The following CDH18 variants were observed in gnomAD, a reference collection of about 807,000 sequenced individuals.
The protein encoded by CDH18 is cadherin-18.
CDH18 carries 31 observed loss-of-function variants against 67.9 expected under a neutral mutation model. The ratio of observed to expected loss-of-function variants is 0.46; its 90% CI spans 0.34 to 0.62. CDH18 has a LOEUF of 0.62. Ranked by LOEUF, CDH18 falls within the 20% of genes least tolerant of loss-of-function variation. The pLI is 0.01. For synonymous variants in CDH18, 362 were observed against 347.2 expected (o/e 1.04, Z -0.48); for missense variants, 890 against 975.5 (o/e 0.91, Z 1.17).
chr5:19,571,867 A>T (rs1561374906), intron 7 of CDH18, 35 bp from the exon 8 acceptor site: 9 of 1,525,530 alleles, frequency 5.9e-6, no homozygotes, highest in Admixed American at 1.9e-5. Context: ...TGACTTTTAT[A>T]AAAAAAGTCA....
intron 11 of CDH18, among the ~76,000 whole-genome samples, chr5:19,500,321 C>T (rs1467143636): frequency 1.3e-5 from 2 of 151,822 alleles, no homozygotes; most frequent in Non-Finnish European, 1.5e-5. Flanking sequence ...TCTATAATTG[C>T]TTTGTCTATG....
chr5:19,931,251 A>G (rs1309503932), intron 2 of CDH18, among the ~76,000 whole-genome samples: 1 of 151,922 alleles, frequency 6.6e-6, no homozygotes, highest in East Asian at 1.9e-4. Context: ...TGTCTCCTCA[A>G]TCTAATCTGA....
intron 4 of CDH18, among the ~76,000 whole-genome samples, chr5:19,729,952 A>T (rs1028087176): frequency 6.6e-6 from 1 of 152,020 alleles, no homozygotes; most frequent in Admixed American, 6.6e-5. Flanking sequence ...ACTGAAAAAC[A>T]AGAATAAGTC....
chr5:19,662,471 C>A (rs1643269323), intron 5 of CDH18, among the ~76,000 whole-genome samples: 1 of 151,980 alleles, frequency 6.6e-6, no homozygotes, highest in Admixed American at 6.6e-5. Flanking sequence ...TGCTTCAATA[C>A]CATAGATATG....
At chr5:19,961,555 C>G (rs1197051198) in intron 2 of CDH18, among the ~76,000 whole-genome samples, 1 of 152,068 alleles carries the variant, frequency 6.6e-6, no homozygotes, top group Non-Finnish European at 1.5e-5. Context: ...AGTGTACCCA[C>G]TTCAGCACAA....
intron 3 of CDH18, among the ~76,000 whole-genome samples, chr5:19,751,937 G>C (rs1317051392): frequency 1.3e-5 from 2 of 152,110 alleles, no homozygotes; most frequent in African/African-American, 4.8e-5. Flanking sequence ...GGAATCCTGA[G>C]AGTACTCGCA....
intron 2 of CDH18, among the ~76,000 whole-genome samples, chr5:19,916,547 C>G (rs1791815113): frequency 6.6e-6 from 1 of 152,158 alleles, no homozygotes; most frequent in Non-Finnish European, 1.5e-5. Flanking sequence ...ATATTGTTTA[C>G]ATTTCATTTT....
intron 10 of CDH18, among the ~76,000 whole-genome samples, chr5:19,506,316 G>A (rs188092034): frequency 1.3e-5 from 2 of 152,250 alleles, no homozygotes; most frequent in Admixed American, 1.3e-4. Context: ...TCAATATTGT[G>A]AAAATGGCCA....
chr5:20,201,625 C>T lies in CDH18; in HGVS notation c.-518+53819G>A, dbSNP rs75661322. On this transcript the variant is annotated intron_variant, in intron 2 of 14. Coordinates refer to the CDH18 transcript ENST00000507958. ...CATATAACAAACAGTATCTAGAAAC[C>T]AGTATTATATGATAAAATAAATATA... 0.01 allele frequency among the ~76,000 whole-genome samples: 1,531 copies of T among 151,838 alleles called. 63 individuals are homozygous for T. In the East Asian group the frequency reaches 0.12, roughly 12 times the overall value.
intron 8 of CDH18, among the ~76,000 whole-genome samples, chr5:19,568,570 ACTAAAGGAGAAAATTGGTGGGACATT>A (rs1436759789): frequency 6.6e-6 from 1 of 152,134 alleles, no homozygotes; most frequent in African/African-American, 2.4e-5. Context: ...AGCCAAACTG[ACTAAAGGAGAAAATTGGTGGGACATT>A]CATTGTGTGA....
chr5:20,276,012 A>G (rs1605670), intron 1 of CDH18, among the ~76,000 whole-genome samples: 17,778 of 152,072 alleles, frequency 0.12, 1,576 homozygotes, highest in African/African-American at 0.24. Context: ...GAGGGAAATT[A>G]CCCACCCCAG....
intron 1 of CDH18, among the ~76,000 whole-genome samples, chr5:20,438,649 G>T (rs1749363275): frequency 6.6e-6 from 1 of 151,298 alleles, no homozygotes; most frequent in Non-Finnish European, 1.5e-5. Flanking sequence ...ATCAATATGA[G>T]AAATGAGAAG....
chr5:19,990,921 C>T (rs1799947827), upstream of CDH18, among the ~76,000 whole-genome samples: 5 of 152,136 alleles, frequency 3.3e-5, no homozygotes, highest in Admixed American at 3.3e-4. Context: ...GTATCAATCA[C>T]CAGAATTTAT....
intron 1 of CDH18, among the ~76,000 whole-genome samples, chr5:20,506,190 C>A (rs1207588281): frequency 1.3e-5 from 2 of 152,206 alleles, no homozygotes; most frequent in South Asian, 2.1e-4. Flanking sequence ...AAGGTACCCT[C>A]ATGATCCCTG....
At chr5:20,305,518 G>T in intron 1 of CDH18, 1 of 949,108 alleles carries the variant, frequency 1.1e-6, no homozygotes, top group Non-Finnish European at 1.7e-6. Context: ...CCGGGGCGCA[G>T]CGGCGCAGGG....
rs34609844 is a variant in CDH18 at position 20,334,131 on chromosome 5, C to CTTTTTTTTTTTTT, written c.-579-78639_-579-78627dup. On this transcript the variant is annotated intron_variant, in intron 1 of 14. Coordinates refer to the CDH18 transcript ENST00000507958. ...TAAATGTATAAATCTGACTTGAATT[C>CTTTTTTTTTTTTT]TTTTTTTTTTTTTTTTTTTTTGAGA... is the stretch of plus-strand genomic sequence containing the variant. Among the ~76,000 whole-genome samples, 14 of 81,632 alleles carry CTTTTTTTTTTTTT rather than the reference C, an allele frequency of 1.7e-4. 1 individual carries two copies. The East Asian group carries it at 2.2e-3, about 13-fold the overall frequency. The allele number at this position is 81,632 out of a possible 152,430, so 53.6% of individuals were successfully genotyped here.
chr5:19,543,790 G>C, intron 9 of CDH18, 79 bp downstream of exon 9: 2 of 979,274 alleles, frequency 2.0e-6, no homozygotes, highest in Non-Finnish European at 1.5e-6. Flanking sequence ...AAGATTATGA[G>C]AGCCCTGCTC....
intron 1 of CDH18, among the ~76,000 whole-genome samples, chr5:20,404,279 A>G (rs528347822): frequency 3.2e-4 from 48 of 152,296 alleles, no homozygotes; most frequent in Admixed American, 1.8e-3. Flanking sequence ...TGGTGTGTTC[A>G]CTGCAGTAGC....
chr5:20,446,995 C>T lies in CDH18; in HGVS notation c.-580+128467G>A, dbSNP rs190772601. ...GGCTGAACATTATTGAAAGTTATAC[C>T]ATTTGCTTTATAGAGATAGCTCCTT... On this transcript the variant is annotated intron_variant, in intron 1 of 14. Coordinates refer to the CDH18 transcript ENST00000507958. 5.3e-5 allele frequency among the ~76,000 whole-genome samples: 8 copies of T among 152,110 alleles called. No individual in the cohort carries two copies. The East Asian group carries it at 1.4e-3, about 26-fold the overall frequency.
Sources: allele counts gnomAD v4.1 joint callset (sites outside exome capture counted in the v4.1 genomes callset), GRCh38; gene constraint gnomAD v4.1.1; transcripts MANE v1.5; gene names NCBI Gene and HGNC (gene_info 2026-07-23, HGNC 2026-07-21).